Variants in OPHN1 observed in about 807,000 individuals in gnomAD.
The protein encoded by OPHN1 is oligophrenin-1.
OPHN1 carries 11 observed loss-of-function variants against 60.7 expected under a neutral mutation model. The ratio of observed to expected loss-of-function variants is 0.18; its 90% CI spans 0.11 to 0.30. OPHN1 has a LOEUF of 0.30. Among genes scored for constraint, OPHN1 ranks in the 10% least tolerant of loss-of-function variants. OPHN1 has a pLI of 1.00. For synonymous variants in OPHN1, 226 were observed against 222.6 expected, an observed-to-expected ratio of 1.02 and a Z score of -0.14; for missense variants, 449 against 611.0, an observed-to-expected ratio of 0.73 and a Z score of 2.80.
intron 2 of OPHN1, among the ~76,000 whole-genome samples, chrX:68,383,337 A>G (rs775782942): frequency 9.1e-5 from 10 of 110,365 alleles, no homozygotes; most frequent in Non-Finnish European, 1.7e-4. Flanking sequence ...CACGCCTACA[A>G]TCTCAGCACT....
chrX:68,113,099 C>T (rs960448739), intron 17 of OPHN1, 82 bp downstream of exon 17: 5 of 828,767 alleles, frequency 6.0e-6, no homozygotes, highest in Non-Finnish European at 7.1e-6. Context: ...CAATCACTTC[C>T]CCTCAAACAA....
chrX:68,336,372 T>C (rs1166289748), intron 2 of OPHN1: 2 of 108,700 alleles, frequency 1.8e-5, no homozygotes, highest in Non-Finnish European at 3.8e-5. Flanking sequence ...AAAAATAAAA[T>C]AATAAAATTA....
chrX:68,287,150 A>G (rs772079119), intron 3 of OPHN1, among the ~76,000 whole-genome samples: 8 of 87,280 alleles, frequency 9.2e-5, no homozygotes, highest in Admixed American at 2.7e-4. Context: ...AGGAAGGAAG[A>G]AAGAAGGAAA....
At chrX:68,192,722 G>C (rs1387887821) in intron 15 of OPHN1, 197 bp downstream of exon 15, 1 of 429,707 alleles carries the variant, frequency 2.3e-6, no homozygotes, top group Non-Finnish European at 4.1e-6. Flanking sequence ...TGGGATACGA[G>C]GAAGGAGAGA....
chrX:68,166,082 G>A (rs1173772942), intron 15 of OPHN1, among the ~76,000 whole-genome samples: 1 of 112,255 alleles, frequency 8.9e-6, no homozygotes, highest in East Asian at 2.8e-4. Flanking sequence ...ACATGAAGGG[G>A]TTAGAAGATT....
chrX:68,397,937 G>A (rs2078694415), intron 2 of OPHN1, among the ~76,000 whole-genome samples: 1 of 110,479 alleles, frequency 9.1e-6, no homozygotes, highest in African/African-American at 3.3e-5. Flanking sequence ...CTCAGATTAG[G>A]CTCCTCCCAT....
At chrX:68,291,077 G>C (rs1054625180) in intron 3 of OPHN1, among the ~76,000 whole-genome samples, 10 of 111,651 alleles carry the variant, frequency 9.0e-5, no homozygotes, top group Non-Finnish European at 1.7e-4. Context: ...AAACAGGTCA[G>C]AGTCTGAACT....
chrX:68,273,678 C>T (rs1264442850), intron 5 of OPHN1, among the ~76,000 whole-genome samples: 1 of 111,697 alleles, frequency 9.0e-6, no homozygotes, highest in Non-Finnish European at 1.9e-5. Context: ...ATAGTAGTTA[C>T]CATAATAGAC....
chrX:68,136,291 C>CTTTTTTTTTT (rs779712280), intron 15 of OPHN1, among the ~76,000 whole-genome samples: 130 of 64,086 alleles, frequency 2.0e-3, no homozygotes, highest in African/African-American at 8.1e-3. Flanking sequence ...AATATCTTTT[C>CTTTTTTTTTT]TTTTTTTTTT....
At chrX:68,123,499 C>A (rs1466440586) in intron 15 of OPHN1, among the ~76,000 whole-genome samples, 1 of 111,535 alleles carries the variant, frequency 9.0e-6, no homozygotes, top group African/African-American at 3.3e-5. Flanking sequence ...ATGAATCAAT[C>A]AAAAATAATA....
chrX:68,161,081 C>G lies in OPHN1; in HGVS notation c.1276+31838G>C, dbSNP rs565261486. On this transcript the variant is annotated intron_variant, in intron 15 of 24. Transcript: ENST00000355520. Reference sequence around the variant, plus strand: ...CGAAAAAGAGAACATTACTACCAACCTTACAGAAGATCAAAAAGATATACC... The same window carrying G: ...CGAAAAAGAGAACATTACTACCAACGTTACAGAAGATCAAAAAGATATACC... 6.3e-5 allele frequency among the ~76,000 whole-genome samples: 7 copies of G among 110,401 alleles called. 1 individual carries two copies. Among genetic ancestry groups the G allele is most frequent in the African/African-American group, 2.3e-4 (7 of 30,567 alleles).
chrX:68,432,810 G>A, intron 2 of OPHN1, 57 bp downstream of exon 2: 1 of 1,173,575 alleles, frequency 8.5e-7, no homozygotes, highest in Non-Finnish European at 1.2e-6. Flanking sequence ...GTGTGGAAAG[G>A]CTTAAAGGCC....
intron 2 of OPHN1, among the ~76,000 whole-genome samples, chrX:68,309,735 T>C (rs1296295277): frequency 2.7e-5 from 3 of 112,259 alleles, no homozygotes; most frequent in Non-Finnish European, 5.6e-5. Flanking sequence ...TCTCATACTA[T>C]AAAACAATTG....
At chrX:68,224,349 C>T (rs963822718) in intron 6 of OPHN1, among the ~76,000 whole-genome samples, 3 of 111,236 alleles carry the variant, frequency 2.7e-5, no homozygotes, top group Admixed American at 1.9e-4. Flanking sequence ...TAAATGAAAC[C>T]TGAGTCAAAG....
At chrX:68,210,908 A>G (rs1287407166) in intron 8 of OPHN1, among the ~76,000 whole-genome samples, 2 of 111,719 alleles carry the variant, frequency 1.8e-5, no homozygotes, top group African/African-American at 3.2e-5. Flanking sequence ...ACCCAGTCTT[A>G]AAATTATGAC....
At chrX:68,164,872 T>A (rs910232386) in intron 15 of OPHN1, among the ~76,000 whole-genome samples, 2 of 112,398 alleles carry the variant, frequency 1.8e-5, no homozygotes, top group African/African-American at 6.5e-5. Flanking sequence ...ACCTTCTAAC[T>A]ACACCTTCTA....
intron 8 of OPHN1, 117 bp from the exon 9 acceptor site, chrX:68,210,399 G>A (rs1235606633): frequency 2.9e-5 from 21 of 717,805 alleles, no homozygotes; most frequent in Admixed American, 1.6e-4. Context: ...CAACCACAAA[G>A]CAAAAAAAGA....
At chrX:68,159,717 T>C (rs2077325721) in intron 15 of OPHN1, among the ~76,000 whole-genome samples, 1 of 111,425 alleles carries the variant, frequency 9.0e-6, no homozygotes, top group Non-Finnish European at 1.9e-5. Flanking sequence ...ATTTAACATC[T>C]GAAAGAAATT....
At chrX:68,081,241 G>A (rs942323440) in intron 19 of OPHN1, among the ~76,000 whole-genome samples, 2 of 111,319 alleles carry the variant, frequency 1.8e-5, no homozygotes, top group Non-Finnish European at 3.8e-5. Context: ...ATTGGGAAGA[G>A]AGAGTACAAA....
Sources: allele counts gnomAD v4.1 joint callset (sites outside exome capture counted in the v4.1 genomes callset), GRCh38; gene constraint gnomAD v4.1.1; transcripts MANE v1.5; gene names NCBI Gene and HGNC (gene_info 2026-07-23, HGNC 2026-07-21).